The following THSD7A variants were observed in gnomAD, a reference collection of about 807,000 sequenced individuals.
The protein encoded by THSD7A is thrombospondin type 1 domain containing 7A.
A neutral mutation model predicts 231.3 loss-of-function variants in THSD7A; 96 were observed. That is an observed-to-expected ratio of 0.41 (90% CI 0.35 to 0.49). The LOEUF (loss-of-function observed/expected upper bound fraction) is 0.49. Among genes scored for constraint, THSD7A ranks in the 20% least tolerant of loss-of-function variants. The probability of loss-of-function intolerance (pLI) is 0.05; values close to 1 mark genes in which losing one functional copy is unlikely to be tolerated. For synonymous variants in THSD7A, 940 were observed against 743.3 expected, an observed-to-expected ratio of 1.26 and a Z score of -4.30; for missense variants, 2,290 against 2,070.2, an observed-to-expected ratio of 1.11 and a Z score of -2.06.
intron 6 of THSD7A, among the ~76,000 whole-genome samples, chr7:11,533,066 G>C (rs1788769762): frequency 6.6e-6 from 1 of 152,148 alleles, no homozygotes; most frequent in Non-Finnish European, 1.5e-5. Context: ...AGAAGGTTGT[G>C]TGAAAAACAG....
At position 11,590,515 on chromosome 7, in the gene THSD7A, G is replaced by A. The variant is rs767867700; in HGVS notation, c.1398C>T (p.Cys466=). 5.0e-6 allele frequency: 8 copies of A among 1,613,672 alleles called. No homozygotes were observed. Among genetic ancestry groups the A allele is most frequent in the East Asian group, 2.2e-5 (1 of 44,880 alleles). Reference sequence around the variant, plus strand: ...AGAGGAGGTTTTCGTTGGCCTGCACGCAGTACACCTCTCGGGTCTGGATGC... The same window carrying A: ...AGAGGAGGTTTTCGTTGGCCTGCACACAGTACACCTCTCGGGTCTGGATGC... ...GGGIQTREVY[C]VQANENLLSQ... Residue 466 remains cysteine, a synonymous_variant, in exon 4 of 28, where the codon TGC becomes TGT. Transcript: ENST00000423059. The surrounding 1 kb of genome is among the most constrained non-coding windows in gnomAD (Gnocchi z 4.4).
chr7:11,392,325 C>A (rs1210438584), intron 23 of THSD7A, among the ~76,000 whole-genome samples: 1 of 151,820 alleles, frequency 6.6e-6, no homozygotes, highest in Non-Finnish European at 1.5e-5. Context: ...CAAGGGAAGC[C>A]ATGAGGAATG....
At chr7:11,677,576 ATGG>A (rs1363794009) in intron 1 of THSD7A, among the ~76,000 whole-genome samples, 27 of 129,990 alleles carry the variant, frequency 2.1e-4, no homozygotes, top group African/African-American at 8.3e-4. Context: ...GACCAAGCAA[ATGG>A]AAAGCAAAAA....
Position 11,375,713 on chromosome 7 carries a change from G to T in THSD7A, c.*81C>A. ...ATTAAAATATATTTTAATCCACACA[G>T]TTTGGATACATTTGTTGTGGCCTCT... On this transcript the variant is annotated 3_prime_UTR_variant, in exon 28 of 28. Coordinates refer to ENST00000423059, the MANE Select transcript of THSD7A (RefSeq NM_015204.3). The T allele has an allele frequency of 8.8e-7, 1 of 1,140,388 alleles. No homozygotes were observed. Among genetic ancestry groups the T allele is most frequent in the Non-Finnish European group, 1.3e-6 (1 of 768,336 alleles). 70.6% of individuals were successfully genotyped at this position (1,140,388 alleles called of 1,614,324 possible). A position where few individuals can be genotyped will look rare whatever the true frequency, so the allele number is the denominator to read the frequency against.
intron 2 of THSD7A, among the ~76,000 whole-genome samples, chr7:11,598,444 G>A (rs1454329651): frequency 6.6e-6 from 1 of 152,142 alleles, no homozygotes; most frequent in Non-Finnish European, 1.5e-5. Flanking sequence ...ATCGCCCAGT[G>A]GGCCCACGAA....
intron 2 of THSD7A, among the ~76,000 whole-genome samples, chr7:11,607,128 G>A (rs976641331): frequency 3.6e-4 from 55 of 152,116 alleles, no homozygotes; most frequent in Non-Finnish European, 5.1e-4. Context: ...CAACTCTTAT[G>A]CTTTCATGTA....
chr7:11,572,171 TG>T (rs1435659872), intron 4 of THSD7A, among the ~76,000 whole-genome samples: 1 of 151,918 alleles, frequency 6.6e-6, no homozygotes. Flanking sequence ...GTCCCCACCT[TG>T]GCCTCCCAAA....
In THSD7A at chr7:11,593,455, A is replaced by T. The variant is rs1426609688; in HGVS notation, c.1070T>A (p.Ile357Asn). 5 of 1,613,884 alleles carry T rather than the reference A, an allele frequency of 3.1e-6. No homozygotes were observed. Among genetic ancestry groups the T allele is most frequent in the Non-Finnish European group, 4.2e-6 (5 of 1,179,892 alleles). ...CTCGGAAACCTGGCACTCTTTGGTG[A>T]TCACACAGGACTGGAAGGTCATTGG... ...KLPMTFQSCVITKECQVSEWS... is the reference protein window; with the variant it reads ...KLPMTFQSCVNTKECQVSEWS... The change falls in exon 3 of 28, where the codon ATC becomes AAC. Residue 357 changes from isoleucine to asparagine, a missense_variant. Ile to Asn is a moderately radical substitution (Grantham distance 149, BLOSUM62 -3). Transcript: ENST00000423059.
intron 7 of THSD7A, among the ~76,000 whole-genome samples, chr7:11,478,415 C>A (rs1449040395): frequency 6.6e-6 from 1 of 152,152 alleles, no homozygotes; most frequent in Admixed American, 6.5e-5. Context: ...CAGGCCACCT[C>A]TTTTCCCACT....
At chr7:11,824,451 C>G (rs1784966866) in intron 1 of THSD7A, among the ~76,000 whole-genome samples, 1 of 152,082 alleles carries the variant, frequency 6.6e-6, no homozygotes, top group African/African-American at 2.4e-5. Context: ...CAGGCCTGTC[C>G]TCTATACAGT....
At chr7:11,699,667 T>A (rs1438204984) in intron 1 of THSD7A, among the ~76,000 whole-genome samples, 1 of 151,348 alleles carries the variant, frequency 6.6e-6, no homozygotes, top group East Asian at 2.0e-4. Context: ...TGCATATACA[T>A]TTTTTAAGTT....
intron 6 of THSD7A, among the ~76,000 whole-genome samples, chr7:11,507,601 G>GT (rs386409516): frequency 0.34 from 48,393 of 142,628 alleles, 7,924 homozygotes; most frequent in Non-Finnish European, 0.36. Context: ...AATAATGTGT[G>GT]TTTTTTTTTT....
intron 2 of THSD7A, among the ~76,000 whole-genome samples, chr7:11,610,543 T>C (rs777358553): frequency 5.3e-5 from 8 of 152,112 alleles, no homozygotes; most frequent in Non-Finnish European, 1.2e-4. Context: ...AATAACTCCT[T>C]AATAAATGCT....
At chr7:11,818,599 C>T (rs1005979180) in intron 1 of THSD7A, among the ~76,000 whole-genome samples, 1 of 152,128 alleles carries the variant, frequency 6.6e-6, no homozygotes, top group Admixed American at 6.6e-5. Context: ...GTTGCATCTC[C>T]CACTTTTTCC....
intron 1 of THSD7A, among the ~76,000 whole-genome samples, chr7:11,671,165 G>A (rs549042907): frequency 1.3e-5 from 2 of 152,276 alleles, no homozygotes; most frequent in African/African-American, 4.8e-5. Flanking sequence ...AGTAGAAAAT[G>A]CTTTTAGCTG....
At chr7:11,416,976 C>A (rs1230275676) in intron 17 of THSD7A, among the ~76,000 whole-genome samples, 1 of 152,154 alleles carries the variant, frequency 6.6e-6, no homozygotes, top group African/African-American at 2.4e-5. Flanking sequence ...GTATCTTTTG[C>A]TTTTTAATGT....
intron 4 of THSD7A, among the ~76,000 whole-genome samples, chr7:11,568,650 A>C (rs1201564800): frequency 7.0e-6 from 1 of 143,830 alleles, no homozygotes; most frequent in Non-Finnish European, 1.5e-5. Context: ...AAAAAAAAAA[A>C]AAAACCAAAA....
At chr7:11,536,539 T>C (rs1399047553) in intron 6 of THSD7A, among the ~76,000 whole-genome samples, 1 of 152,192 alleles carries the variant, frequency 6.6e-6, no homozygotes, top group Non-Finnish European at 1.5e-5. Context: ...GCTGATTTTG[T>C]TTTGCATACT....
chr7:11,827,020 T>C (rs1785052119), intron 1 of THSD7A, among the ~76,000 whole-genome samples: 1 of 152,056 alleles, frequency 6.6e-6, no homozygotes. Flanking sequence ...AATTAATTTT[T>C]AGAGACAGGA....
Sources: allele counts gnomAD v4.1 joint callset (sites outside exome capture counted in the v4.1 genomes callset), GRCh38; gene constraint gnomAD v4.1.1; non-coding constraint Gnocchi (gnomAD v3.1); transcripts MANE v1.5; gene names NCBI Gene and HGNC (gene_info 2026-07-23, HGNC 2026-07-21).